DNAH11: variants seen among roughly 807,000 people sequenced by gnomAD.
DNAH11 encodes axonemal beta dynein heavy chain 11.
A neutral mutation model predicts 526.0 loss-of-function variants in DNAH11; 442 were observed. The observed-to-expected ratio is 0.84, with a 90% confidence interval of 0.78 to 0.91. DNAH11 has a LOEUF of 0.91. DNAH11 is among the 40% of genes least tolerant of loss of function. The pLI, the probability that DNAH11 is intolerant of heterozygous loss-of-function variation, is 0.00. For missense variants in DNAH11, 6,989 were observed against 5,448.7 expected, an observed-to-expected ratio of 1.28 and a Z score of -8.90; for synonymous variants, 2,461 against 1,935.9, an observed-to-expected ratio of 1.27 and a Z score of -7.12.
Position 21,592,134 on chromosome 7 carries a change from A to G in DNAH11, c.2667+557A>G, listed in dbSNP as rs529140589. ...CAAACAACACAATGCTCCCCTGCCA[A>G]CCACCACCAAATCCTTTATTTCATG... On this transcript the variant is annotated intron_variant, in intron 14 of 81. Coordinates refer to ENST00000409508, the MANE Select transcript of DNAH11 (RefSeq NM_001277115.2). 1.1e-4 allele frequency among the ~76,000 whole-genome samples: 16 copies of G among 152,326 alleles called. No homozygotes were observed. The South Asian group carries it at 3.1e-3, about 30-fold the overall frequency.
chr7:21,661,908 C>A (rs1305779136), intron 30 of DNAH11, among the ~76,000 whole-genome samples: 1 of 152,002 alleles, frequency 6.6e-6, no homozygotes, highest in Non-Finnish European at 1.5e-5. Context: ...CAACCTCTAC[C>A]TTCCAGGTCA....
chr7:21,628,585 A>G (rs1231001074), intron 25 of DNAH11, among the ~76,000 whole-genome samples: 1 of 152,168 alleles, frequency 6.6e-6, no homozygotes, highest in Non-Finnish European at 1.5e-5. Flanking sequence ...GATGTGCTAC[A>G]TCACATTTGT....
intron 42 of DNAH11, among the ~76,000 whole-genome samples, chr7:21,717,168 T>G (rs994709209): frequency 1.5e-4 from 22 of 150,544 alleles, no homozygotes. Flanking sequence ...GGATATTTAA[T>G]GTATCAAATT....
intron 41 of DNAH11, 42 bp from the exon 42 acceptor site, chr7:21,711,670 C>T (rs1784468019): frequency 6.3e-7 from 1 of 1,589,920 alleles, no homozygotes; most frequent in African/African-American, 1.3e-5. Context: ...ATGTTTGCGG[C>T]ATTGCTTTTG....
chr7:21,822,968 T>C (rs1790118384), intron 65 of DNAH11, among the ~76,000 whole-genome samples: 3 of 145,646 alleles, frequency 2.1e-5, no homozygotes, highest in Non-Finnish European at 4.5e-5. Flanking sequence ...TTTTTTTTTT[T>C]TTTTTTTTTT....
rs72657367 is a variant in DNAH11, at chr7:21,745,263, G to A, written c.8510+200G>A. On this transcript the variant is annotated intron_variant, in intron 51 of 81. Coordinates refer to ENST00000409508, the MANE Select transcript of DNAH11 (RefSeq NM_001277115.2). ...GTCTTACATAGGCACACTGTTTTCC[G>A]AGATGCCATCATATCCATTATTTTA... Among the ~76,000 whole-genome samples, 730 of 152,206 alleles carry A rather than the reference G, an allele frequency of 4.8e-3. 7 individuals are homozygous for A. The highest frequency in any genetic ancestry group is 0.017 in the African/African-American group (688 of 41,524).
chr7:21,580,302 G>T (rs1784261687), intron 8 of DNAH11, among the ~76,000 whole-genome samples: 1 of 152,190 alleles, frequency 6.6e-6, no homozygotes, highest in African/African-American at 2.4e-5. Context: ...GTTAAAACTT[G>T]TTGGGAAGTT....
At chr7:21,809,377 G>A (rs1292412338) in intron 63 of DNAH11, among the ~76,000 whole-genome samples, 1 of 152,108 alleles carries the variant, frequency 6.6e-6, no homozygotes, top group Non-Finnish European at 1.5e-5. Flanking sequence ...CTGAGCAGAA[G>A]CCTTTAGCTT....
intron 9 of DNAH11, 78 bp downstream of exon 9, chr7:21,582,099 A>G (rs1784331639): frequency 1.1e-6 from 1 of 899,010 alleles, no homozygotes; most frequent in Non-Finnish European, 1.8e-6. Context: ...GTGAATTCTC[A>G]TTCAGGTAGA....
intron 30 of DNAH11, among the ~76,000 whole-genome samples, chr7:21,674,920 C>G (rs1003418870): frequency 2.0e-5 from 3 of 152,122 alleles, no homozygotes; most frequent in Admixed American, 6.5e-5. Context: ...GCCCGCTTGA[C>G]TCTTCTTTTC....
intron 77 of DNAH11, among the ~76,000 whole-genome samples, chr7:21,893,679 G>A (rs1282453856): frequency 6.6e-6 from 1 of 152,226 alleles, no homozygotes; most frequent in Non-Finnish European, 1.5e-5. Flanking sequence ...TAGTATGCAT[G>A]TCTGAGTACC....
intron 65 of DNAH11, among the ~76,000 whole-genome samples, chr7:21,831,508 A>G (rs1035100733): frequency 6.6e-6 from 1 of 152,208 alleles, no homozygotes; most frequent in African/African-American, 2.4e-5. Flanking sequence ...TGGGAAATCT[A>G]AACATATCAA....
chr7:21,565,312 C>G (rs923391850), intron 6 of DNAH11, among the ~76,000 whole-genome samples: 7 of 152,086 alleles, frequency 4.6e-5, no homozygotes, highest in Admixed American at 4.6e-4. Context: ...TCTTTACAAC[C>G]TCATTTAATC....
At position 21,840,584 on chromosome 7, in the gene DNAH11, C is replaced by T. The variant is rs537882077; in HGVS notation, c.10692-1960C>T. ...TCCAGTATTCGTGGTTTTGGCTTCT[C>T]TGTCTCTTGCATGAATTAGAAAGCT... is the stretch of plus-strand genomic sequence containing the variant. On this transcript the variant is annotated intron_variant, in intron 65 of 81. Coordinates refer to ENST00000409508, the MANE Select transcript of DNAH11 (RefSeq NM_001277115.2). 1.9e-4 allele frequency among the ~76,000 whole-genome samples: 29 copies of T among 152,244 alleles called. 1 individual carries two copies. The Middle Eastern group carries it at 0.01, about 54-fold the overall frequency.
intron 61 of DNAH11, among the ~76,000 whole-genome samples, chr7:21,799,737 A>G (rs796344385): frequency 9.2e-5 from 14 of 152,354 alleles, no homozygotes; most frequent in African/African-American, 3.4e-4. Flanking sequence ...ATGTATATAC[A>G]TATTTGTGTA....
At chr7:21,628,427 T>C (rs1028305936) in intron 25 of DNAH11, among the ~76,000 whole-genome samples, 12 of 152,316 alleles carry the variant, frequency 7.9e-5, no homozygotes, top group Admixed American at 2.6e-4. Flanking sequence ...GCTGTGGATT[T>C]ATTGTATATG....
chr7:21,681,661 A>G lies in DNAH11; in HGVS notation c.5444A>G (p.Lys1815Arg), dbSNP rs755254894. The G allele has an allele frequency of 1.9e-6, 3 of 1,613,954 alleles. No homozygotes were observed. The highest frequency in any genetic ancestry group is 3.3e-5 in the Admixed American group (2 of 60,022). ...IDVHARDVVA[K>R]LISQKVVSPQ... ...GTCCATGCCAGAGACGTGGTGGCAA[A>G]ACTTATTTCTCAGAAGGCAAGTTGT... Residue 1815 changes from lysine to arginine, a missense_variant, in exon 31 of 82, where the codon AAA (lysine) becomes AGA (arginine). Lys to Arg is a conservative substitution (Grantham distance 26). Transcript: ENST00000409508.
intron 9 of DNAH11, among the ~76,000 whole-genome samples, chr7:21,583,439 G>C (rs887736904): frequency 6.6e-6 from 1 of 151,882 alleles, no homozygotes; most frequent in Non-Finnish European, 1.5e-5. Context: ...AAATTAAGAT[G>C]GATTAAAGAC....
At chr7:21,669,751 G>A (rs1252911939) in intron 30 of DNAH11, among the ~76,000 whole-genome samples, 1 of 151,882 alleles carries the variant, frequency 6.6e-6, no homozygotes, top group Non-Finnish European at 1.5e-5. Context: ...GTGCTTCATG[G>A]TTCTGGGTTT....
Sources: gnomAD v4.1 joint callset for allele counts (sites outside exome capture counted in the v4.1 genomes callset) on GRCh38, gnomAD v4.1.1 for gene constraint, MANE v1.5 for transcripts, NCBI Gene and HGNC (gene_info 2026-07-23, HGNC 2026-07-21) for gene names.